The following CCDC107 variants were observed in gnomAD, a reference collection of about 807,000 sequenced individuals.
CCDC107 encodes coiled-coil domain containing 107.
A neutral mutation model predicts 17.9 loss-of-function variants in CCDC107; 17 were observed. The observed-to-expected ratio is 0.95, with a 90% CI of 0.65 to 1.42. CCDC107 has a LOEUF of 1.42. Among genes scored for constraint, CCDC107 ranks in the 40% most tolerant of loss-of-function variants. The pLI, the probability that CCDC107 is intolerant of heterozygous loss-of-function variation, is 0.00. For missense variants in CCDC107, 388 were observed against 360.1 expected, an observed-to-expected ratio of 1.08 and a Z score of -0.63; for synonymous variants, 170 against 157.2, an observed-to-expected ratio of 1.08 and a Z score of -0.61.
Position 35,658,755 on chromosome 9 carries a change from C to T in CCDC107, c.258+28C>T, listed in dbSNP as rs1344949970. ...ACGGGGCGGCCGGGGGTAGGGGTGC[C>T]CCTGCAGGTGCGGGACCGCCGGGCG... On this transcript the variant is annotated intron_variant, in intron 2 of 4. Coordinates refer to ENST00000426546, the MANE Select transcript of CCDC107 (RefSeq NM_174923.3). 4 of 1,425,004 alleles carry T rather than the reference C, an allele frequency of 2.8e-6. No homozygotes were observed. In the East Asian group the frequency reaches 1.1e-4, roughly 39 times the overall value. The allele number at this position is 1,425,004 out of a possible 1,614,324, so 88.3% of individuals were successfully genotyped here.
intron 2 of CCDC107, chr9:35,659,055 C>T: frequency 4.3e-6 from 1 of 234,486 alleles, no homozygotes; most frequent in Non-Finnish European, 8.3e-6. Context: ...TTGAACCCAG[C>T]TAGCAGTGTC....
At chr9:35,660,104 CG>C (rs1823832909) in intron 2 of CCDC107, 1 of 241,530 alleles carries the variant, frequency 4.1e-6, no homozygotes, top group Non-Finnish European at 8.1e-6. Context: ...CTTGGCTTCC[CG>C]AAGTGCTGGG....
Position 35,658,443 on chromosome 9 carries a change from G to A in CCDC107, c.64G>A (p.Val22Ile). ...GLLLVSALSG[V>I]LGDRANPDLR... ...GCTGCTTGTGTCTGCGCTGTCCGGG[G>A]TCCTAGGAGACCGCGCCAATCCCGA... Residue 22 changes from valine to isoleucine, a missense_variant, in exon 1 of 5, where the codon GTC becomes ATC. Coordinates refer to ENST00000426546, the MANE Select transcript of CCDC107 (RefSeq NM_174923.3). The A allele has an allele frequency of 6.8e-7, 1 of 1,475,654 alleles. No individual in the cohort carries two copies. Among genetic ancestry groups the A allele is most frequent in the Non-Finnish European group, 9.0e-7 (1 of 1,113,488 alleles). The allele number at this position is 1,475,654 out of a possible 1,614,324, so 91.4% of individuals were successfully genotyped here.
At chr9:35,659,905 C>T (rs10972553) in intron 2 of CCDC107, 32,514 of 153,244 alleles carry the variant, frequency 0.21, 4,148 homozygotes, top group Admixed American at 0.32. Flanking sequence ...AGTGCAGCGG[C>T]GCAATCTCGG....
Position 35,658,344 on chromosome 9 carries a change from C to A in CCDC107, c.-36C>A. 3.0e-6 allele frequency: 4 copies of A among 1,332,524 alleles called. No homozygotes were observed. Among genetic ancestry groups the A allele is most frequent in the Non-Finnish European group, 3.8e-6 (4 of 1,041,440 alleles). The allele number at this position is 1,332,524 out of a possible 1,614,324, so 82.5% of individuals were successfully genotyped here. On this transcript the variant is annotated 5_prime_UTR_variant, in exon 1 of 5. Coordinates refer to ENST00000426546, the MANE Select transcript of CCDC107 (RefSeq NM_174923.3). ...GCCGGCCAATGCCGGACCGCTTCGG[C>A]ACCGCCCGCCCGATCCCTCCACCCG...
In CCDC107 at chr9:35,660,443, C is replaced by G. The variant is rs374274041; in HGVS notation, c.301C>G (p.Gln101Glu). The change falls in exon 3 of 5, where the codon CAG (glutamine) becomes GAG (glutamate). Residue 101 changes from glutamine to glutamate, a missense_variant. By Grantham distance (29) the Gln-to-Glu change is conservative. Transcript: ENST00000426546. ...GGTTCTCCACGAGGAGGCAAGCAAG[C>G]AGCAGCCACTGCAGTCAGGTGGGTT... ...TAVLHEEASK[Q>E]QPLQSEQQLA... The G allele has an allele frequency of 3.6e-5, 58 of 1,612,562 alleles. No homozygotes were observed. The highest frequency in any genetic ancestry group is 4.7e-5 in the Non-Finnish European group (56 of 1,179,368).
intron 2 of CCDC107, 84 bp from the exon 3 acceptor site, chr9:35,660,317 C>T: frequency 8.3e-7 from 1 of 1,210,864 alleles, no homozygotes; most frequent in Non-Finnish European, 1.2e-6. Context: ...TCAAATTGCA[C>T]TCTCTCTTGG....
rs76753837 is a variant in CCDC107 at position 35,661,491 on chromosome 9, A to G, written c.*304A>G. 1,839 of 470,400 alleles carry G rather than the reference A, an allele frequency of 3.9e-3. 54 individuals carry two copies. In the East Asian group the frequency reaches 0.055, roughly 14 times the overall value. 29.1% of individuals were successfully genotyped at this position (470,400 alleles called of 1,614,324 possible). A position where few individuals can be genotyped will look rare whatever the true frequency, so the allele number is the denominator to read the frequency against. ...AATCCAGTGGAAAAATAAATGATAG[A>G]AACTATACACAACATAAAAATAGCC... On this transcript the variant is annotated 3_prime_UTR_variant, in exon 5 of 5. Transcript: ENST00000426546.
chr9:35,661,107 G>A lies in CCDC107; in HGVS notation c.772G>A (p.Ala258Thr). 1.2e-6 allele frequency: 2 copies of A among 1,614,094 alleles called. No homozygotes were observed. The highest frequency in any genetic ancestry group is 8.5e-7 in the Non-Finnish European group (1 of 1,179,970). The change falls in exon 5 of 5, where the codon GCA becomes ACA. Residue 258 changes from alanine (A) to threonine (T), a missense_variant. Coordinates refer to ENST00000426546, the MANE Select transcript of CCDC107 (RefSeq NM_174923.3). The part of the protein sequence containing the change: ...GLRRRCSQAV[A>T]KGPSHSLGWE... ...ACGGAGAAGGTGCAGCCAGGCTGTG[G>A]CAAAGGGCCCCAGTCACAGCCTTGG... is the stretch of plus-strand genomic sequence containing the variant.
intron 3 of CCDC107, 47 bp from the exon 4 acceptor site, chr9:35,660,510 C>T: frequency 6.2e-7 from 1 of 1,613,058 alleles, no homozygotes; most frequent in South Asian, 1.1e-5. Flanking sequence ...TAGGGGACAG[C>T]AGAAGATACA....
At chr9:35,659,789 G>T (rs905857752) in intron 2 of CCDC107, 2 of 152,252 alleles carry the variant, frequency 1.3e-5, no homozygotes, top group African/African-American at 4.8e-5. Flanking sequence ...AAGCACTATG[G>T]AAAGAAGATA....
chr9:35,660,907 A>C lies in CCDC107; in HGVS notation c.572A>C (p.Glu191Ala). 1 of 1,614,182 alleles carries C rather than the reference A, an allele frequency of 6.2e-7. No homozygotes were observed. Among genetic ancestry groups the C allele is most frequent in the Non-Finnish European group, 8.5e-7 (1 of 1,180,028 alleles). ...GCTGGAGGTGGAGACAAAGTCTCTG[A>C]AACTGGAACATTCCTGATCTCTCCC... ...ESAGGGDKVSETGTFLISPHT... is the reference protein window; with the variant it reads ...ESAGGGDKVSATGTFLISPHT... The change falls in exon 5 of 5, where the codon GAA becomes GCA. Residue 191 changes from glutamate (E) to alanine (A), a missense_variant. Transcript: ENST00000426546.
In CCDC107 at chr9:35,660,914, A is replaced by C. The variant is rs1017031441; in HGVS notation, c.579A>C (p.Gly193=). ...AGGGDKVSET[G]TFLISPHTEA... ...GTGGAGACAAAGTCTCTGAAACTGG[A>C]ACATTCCTGATCTCTCCCCACACAG... Residue 193 remains glycine, a synonymous_variant, in exon 5 of 5, where the codon GGA becomes GGC. Coordinates refer to ENST00000426546, the MANE Select transcript of CCDC107 (RefSeq NM_174923.3). The C allele has an allele frequency of 6.2e-7, 1 of 1,614,172 alleles. No homozygotes were observed. Among genetic ancestry groups the C allele is most frequent in the South Asian group, 1.1e-5 (1 of 91,082 alleles).
At position 35,661,141 on chromosome 9, in the gene CCDC107, G is replaced by A. The variant is rs1202553060; in HGVS notation, c.806G>A (p.Gly269Glu). ...KGPSHSLGWE[G>E]GTTAEGRLKQ... Reference sequence around the variant, plus strand: ...CCCAGTCACAGCCTTGGCTGGGAAGGAGGGACGACAGCTGAAGGTCGACTA... The same window carrying A: ...CCCAGTCACAGCCTTGGCTGGGAAGAAGGGACGACAGCTGAAGGTCGACTA... Residue 269 changes from glycine to glutamate, a missense_variant, in exon 5 of 5, where the codon GGA becomes GAA. Transcript: ENST00000426546. 2.5e-6 allele frequency: 4 copies of A among 1,611,664 alleles called. No individual in the cohort carries two copies. The highest frequency in any genetic ancestry group is 3.4e-6 in the Non-Finnish European group (4 of 1,178,266).
rs1247747374 is a variant in CCDC107 at position 35,660,549 on chromosome 9, AT to A, written c.320-7del. On this transcript the variant is annotated splice_region_variant and splice_polypyrimidine_tract_variant and intron_variant, in intron 3 of 4. Coordinates refer to ENST00000426546, the MANE Select transcript of CCDC107 (RefSeq NM_174923.3). ...CCACTTCTGCCCCCTTTTTTCCCTTATCCCCAGAGCAACAGCTGGCCCAGTT... is the reference window on the plus strand; with the variant it reads ...CCACTTCTGCCCCCTTTTTTCCCTTACCCCAGAGCAACAGCTGGCCCAGTT... 6.2e-7 allele frequency: 1 copy of A among 1,613,490 alleles called. No individual in the cohort carries two copies. Among genetic ancestry groups the A allele is most frequent in the South Asian group, 1.1e-5 (1 of 91,048 alleles).
chr9:35,658,662 T>A lies in CCDC107; in HGVS notation c.193T>A (p.Ser65Thr). The stretch of plus-strand genomic sequence containing the variant: ...TCAACGCGAGCGGACCCGGGCCGGG[T>A]CGCTGCCTCTGGGGGCGCTGTACAC... Reference protein sequence around the residue: ...KDQRERTRAGSLPLGALYTAA... With the variant: ...KDQRERTRAGTLPLGALYTAA... Residue 65 changes from serine (S) to threonine (T), a missense_variant, in exon 2 of 5, where the codon TCG (serine) becomes ACG (threonine). Coordinates refer to ENST00000426546, the MANE Select transcript of CCDC107 (RefSeq NM_174923.3). 6.4e-7 allele frequency: 1 copy of A among 1,572,974 alleles called. No homozygotes were observed. Among genetic ancestry groups the A allele is most frequent in the Non-Finnish European group, 8.6e-7 (1 of 1,165,940 alleles).
At chr9:35,659,411 T>C (rs889503463) in intron 2 of CCDC107, 4 of 152,234 alleles carry the variant, frequency 2.6e-5, no homozygotes, top group Admixed American at 6.5e-5. Flanking sequence ...TTCTTGGACC[T>C]GAGTACAGTC....
In CCDC107 at chr9:35,661,170, C is replaced by CA; in HGVS notation, c.838dup (p.Ser280LysfsTer16). 6.2e-7 allele frequency: 1 copy of CA among 1,600,988 alleles called. No homozygotes were observed. Among genetic ancestry groups the CA allele is most frequent in the Non-Finnish European group, 8.5e-7 (1 of 1,172,208 alleles). On this transcript the variant is annotated frameshift_variant, in exon 5 of 5. Transcript: ENST00000426546. LOFTEE classifies it high-confidence loss of function. ...GACGACAGCTGAAGGTCGACTAAAA[C>CA]AAAGTCTGTTTTCATGATGGAGTGC... is the stretch of plus-strand genomic sequence containing the variant.
Position 35,660,918 on chromosome 9 carries a change from T to C in CCDC107, c.583T>C (p.Phe195Leu), listed in dbSNP as rs149423190. 4 of 1,614,016 alleles carry C rather than the reference T, an allele frequency of 2.5e-6. No homozygotes were observed. In the African/African-American group the frequency reaches 5.3e-5, roughly 22 times the overall value. Reference protein sequence around the residue: ...GGDKVSETGTFLISPHTEASR... With the variant: ...GGDKVSETGTLLISPHTEASR... The stretch of plus-strand genomic sequence containing the variant: ...AGACAAAGTCTCTGAAACTGGAACA[T>C]TCCTGATCTCTCCCCACACAGAGGC... The change falls in exon 5 of 5, where the codon TTC (phenylalanine) becomes CTC (leucine). Residue 195 changes from phenylalanine to leucine, a missense_variant. Physicochemically the swap from Phe to Leu is conservative, Grantham distance 22. Coordinates refer to ENST00000426546, the MANE Select transcript of CCDC107 (RefSeq NM_174923.3).
Sources: allele counts gnomAD v4.1 joint callset, GRCh38; gene constraint gnomAD v4.1.1; transcripts MANE v1.5; gene names NCBI Gene and HGNC (gene_info 2026-07-23, HGNC 2026-07-21).